Variants in CACNA1C observed in about 807,000 individuals in gnomAD.
CACNA1C encodes voltage-dependent L-type calcium channel subunit alpha-1C.
In CACNA1C, 30 loss-of-function variants were observed where a neutral mutation model predicts 229.0. That is an observed-to-expected ratio of 0.13 (90% CI 0.10 to 0.18). The LOEUF is 0.18. CACNA1C is among the 10% of genes least tolerant of loss of function. CACNA1C has a pLI of 1.00. For missense variants in CACNA1C, 1,658 were observed against 2,845.0 expected (o/e 0.58, Z 9.49); for synonymous variants, 1,114 against 1,132.5 (o/e 0.98, Z 0.33).
Position 2,368,611 on chromosome 12 carries a change from A to G in CACNA1C, c.478-80365A>G, listed in dbSNP as rs1034152764. Among the ~76,000 whole-genome samples, 11 of 152,252 alleles carry G rather than the reference A, an allele frequency of 7.2e-5. No individual in the cohort carries two copies. The South Asian group carries it at 1.7e-3, about 23-fold the overall frequency. ...ACAAAATTAAATTTAACTAAAAGATATAGAAGAACAGTTAGAATAAATGAA... is the reference window on the plus strand; with the variant it reads ...ACAAAATTAAATTTAACTAAAAGATGTAGAAGAACAGTTAGAATAAATGAA... On this transcript the variant is annotated intron_variant, in intron 3 of 46. Coordinates refer to ENST00000399655, the MANE Select transcript of CACNA1C (RefSeq NM_000719.7).
chr12:2,068,229 T>C (rs1010882450), intron 1 of CACNA1C, among the ~76,000 whole-genome samples: 1 of 152,166 alleles, frequency 6.6e-6, no homozygotes, highest in African/African-American at 2.4e-5. Flanking sequence ...CTCTGCTGAG[T>C]GGCTCTGAGC....
At chr12:2,044,976 G>A (rs2050808878) in intron 1 of CACNA1C, among the ~76,000 whole-genome samples, 1 of 152,192 alleles carries the variant, frequency 6.6e-6, no homozygotes, top group African/African-American at 2.4e-5. Flanking sequence ...AAACTGAGCC[G>A]TCATTTATTA....
In CACNA1C at chr12:2,357,825, G is replaced by T. The variant is rs150296549; in HGVS notation, c.478-91151G>T. Reference sequence around the variant, plus strand: ...GTCTCTACTAAAAATACAAAAATTAGCCAGGCATGGTGGAGGGTGCCTGTA... The same window carrying T: ...GTCTCTACTAAAAATACAAAAATTATCCAGGCATGGTGGAGGGTGCCTGTA... On this transcript the variant is annotated intron_variant, in intron 3 of 46. Transcript: ENST00000399655. 3.3e-5 allele frequency among the ~76,000 whole-genome samples: 5 copies of T among 152,006 alleles called. No individual in the cohort carries two copies. The South Asian group carries it at 1.0e-3, about 32-fold the overall frequency.
intron 6 of CACNA1C, among the ~76,000 whole-genome samples, chr12:2,492,602 G>C (rs545683774): frequency 6.6e-6 from 1 of 152,230 alleles, no homozygotes; most frequent in Non-Finnish European, 1.5e-5. Context: ...CCTATGTAAG[G>C]CTTCACTGTA....
At chr12:2,052,568 G>T (rs2052522217), upstream of CACNA1C, among the ~76,000 whole-genome samples, 1 of 147,934 alleles carries the variant, frequency 6.8e-6, no homozygotes, top group Admixed American at 6.7e-5. Flanking sequence ...GGCCGGCGCG[G>T]GGGGCGCGAC....
At chr12:2,563,304 T>C (rs2048474595) in intron 11 of CACNA1C, among the ~76,000 whole-genome samples, 1 of 152,228 alleles carries the variant, frequency 6.6e-6, no homozygotes, top group Non-Finnish European at 1.5e-5. Flanking sequence ...TGATTCTGTA[T>C]CTTGGCTATT....
At chr12:2,082,727 A>C (rs1290663974) in intron 1 of CACNA1C, among the ~76,000 whole-genome samples, 2 of 152,184 alleles carry the variant, frequency 1.3e-5, no homozygotes, top group Non-Finnish European at 2.9e-5. Flanking sequence ...GGGGTTGCTA[A>C]GCTACACTGG....
chr12:2,386,616 C>G (rs1414700917), intron 3 of CACNA1C, among the ~76,000 whole-genome samples: 1 of 152,196 alleles, frequency 6.6e-6, no homozygotes. Flanking sequence ...TCTTCCTATA[C>G]CTCCTCCCCA....
rs1207035697 is a variant in CACNA1C, at chr12:2,285,847, A to C, written c.478-163129A>C. On this transcript the variant is annotated intron_variant, in intron 3 of 46. Coordinates refer to ENST00000399655, the MANE Select transcript of CACNA1C (RefSeq NM_000719.7). The surrounding 1 kb of genome is among the most constrained non-coding windows in gnomAD (Gnocchi z 4.2). ...AGGAATTTACGTTATATGTGCAAGGAATACCACATGGATGGTAAAGTTCAG... is the reference window on the plus strand; with the variant it reads ...AGGAATTTACGTTATATGTGCAAGGCATACCACATGGATGGTAAAGTTCAG... 6.6e-6 allele frequency among the ~76,000 whole-genome samples: 1 copy of C among 152,212 alleles called. No homozygotes were observed. The highest frequency in any genetic ancestry group is 2.4e-5 in the African/African-American group (1 of 41,442).
intron 3 of CACNA1C, among the ~76,000 whole-genome samples, chr12:2,324,807 G>A (rs938041046): frequency 7.9e-5 from 12 of 152,286 alleles, no homozygotes; most frequent in Admixed American, 4.6e-4. Flanking sequence ...TGGGCCTCTC[G>A]GGGGGTTTGC....
intron 1 of CACNA1C, among the ~76,000 whole-genome samples, chr12:2,027,193 G>T (rs138790713): frequency 6.6e-6 from 1 of 152,304 alleles, no homozygotes; most frequent in East Asian, 1.9e-4. Flanking sequence ...TTTGCCCTTT[G>T]GGTGGCATAT....
chr12:2,054,522 T>C lies in CACNA1C; in HGVS notation c.49+911T>C, dbSNP rs1041293055. Among the ~76,000 whole-genome samples, 4 of 152,168 alleles carry C rather than the reference T, an allele frequency of 2.6e-5. No homozygotes were observed. Among genetic ancestry groups the C allele is most frequent in the African/African-American group, 9.7e-5 (4 of 41,446 alleles). ...GTGTCACCAGCTCCCCCTGTGATGG[T>C]GAAAGGCAGTCAGGTAACTCCCTAC... On this transcript the variant is annotated intron_variant, in intron 1 of 46. Transcript: ENST00000399655. This position sits in a 1 kb window ranked among gnomAD's most constrained non-coding sequence, Gnocchi z 5.5.
At chr12:2,562,306 A>G (rs1273556343) in intron 11 of CACNA1C, among the ~76,000 whole-genome samples, 1 of 152,212 alleles carries the variant, frequency 6.6e-6, no homozygotes, top group East Asian at 1.9e-4. Context: ...AGACAGCTCT[A>G]CATACCGCAA....
In CACNA1C at chr12:2,152,193, A is replaced by G. The variant is rs1477496133; in HGVS notation, c.477+31763A>G. ...ATTGTTCATACAAAAGAGGGCAAAGATGCCACTTGTGACAGAAATGACTGT... is the reference window on the plus strand; with the variant it reads ...ATTGTTCATACAAAAGAGGGCAAAGGTGCCACTTGTGACAGAAATGACTGT... On this transcript the variant is annotated intron_variant, in intron 3 of 46. Coordinates refer to ENST00000399655, the MANE Select transcript of CACNA1C (RefSeq NM_000719.7). The surrounding 1 kb of genome is among the most constrained non-coding windows in gnomAD (Gnocchi z 4.2). Among the ~76,000 whole-genome samples the G allele has an allele frequency of 6.6e-6, 1 of 152,240 alleles. No homozygotes were observed. Among genetic ancestry groups the G allele is most frequent in the Non-Finnish European group, 1.5e-5 (1 of 68,042 alleles).
At chr12:2,178,056 T>C (rs1376735174) in intron 3 of CACNA1C, among the ~76,000 whole-genome samples, 3 of 152,154 alleles carry the variant, frequency 2.0e-5, no homozygotes, top group Admixed American at 6.5e-5. Context: ...GCAAGTTTCT[T>C]CTCAAACTGC....
chr12:2,246,252 G>C (rs2073164073), intron 3 of CACNA1C, among the ~76,000 whole-genome samples: 2 of 152,246 alleles, frequency 1.3e-5, no homozygotes, highest in South Asian at 4.1e-4. Flanking sequence ...GCTCGGCAGA[G>C]CTGGGCAGGG....
In CACNA1C at chr12:2,646,808, G is replaced by A. The variant is rs1453325502; in HGVS notation, c.3913-1667G>A. Among the ~76,000 whole-genome samples the A allele has an allele frequency of 2.0e-5, 3 of 152,100 alleles. No homozygotes were observed. In the South Asian group the frequency reaches 6.2e-4, roughly 32 times the overall value. On this transcript the variant is annotated intron_variant, in intron 30 of 46. Transcript: ENST00000399655. This position sits in a 1 kb window ranked among gnomAD's most constrained non-coding sequence, Gnocchi z 4.6. ...AGAGAGAGTGTGTGTGTGCGCGTGTGTGTGTCTGCCTATGTTTGTCTCTGT... is the reference window on the plus strand; with the variant it reads ...AGAGAGAGTGTGTGTGTGCGCGTGTATGTGTCTGCCTATGTTTGTCTCTGT...
intron 1 of CACNA1C, among the ~76,000 whole-genome samples, chr12:2,059,729 A>G (rs2154515202): frequency 6.6e-6 from 1 of 152,280 alleles, no homozygotes; most frequent in Non-Finnish European, 1.5e-5. Context: ...GGAACCTTAG[A>G]GACAATCCTC....
At chr12:2,502,233 A>G (rs915204061) in intron 7 of CACNA1C, among the ~76,000 whole-genome samples, 1 of 152,266 alleles carries the variant, frequency 6.6e-6, no homozygotes, top group Admixed American at 6.5e-5. Context: ...TTTACAGCAC[A>G]GTACCTAGCA....
Sources: allele counts gnomAD v4.1 joint callset (sites outside exome capture counted in the v4.1 genomes callset), GRCh38; gene constraint gnomAD v4.1.1; non-coding constraint Gnocchi (gnomAD v3.1); transcripts MANE v1.5; gene names NCBI Gene and HGNC (gene_info 2026-07-23, HGNC 2026-07-21).